CPNE5: variants seen among roughly 807,000 people sequenced by gnomAD.
The protein encoded by CPNE5 is copine 5.
In CPNE5, 42 loss-of-function variants were observed where a neutral mutation model predicts 81.1. The observed-to-expected ratio is 0.52, with a 90% CI of 0.40 to 0.67. The LOEUF (loss-of-function observed/expected upper bound fraction) is 0.67, where lower values mean the gene tolerates loss of function less well. Ranked by LOEUF, CPNE5 falls within the 30% of genes least tolerant of loss-of-function variation. The probability of loss-of-function intolerance (pLI) is 0.00; values close to 1 mark genes in which losing one functional copy is unlikely to be tolerated. For missense variants in CPNE5, 612 were observed against 815.5 expected, an observed-to-expected ratio of 0.75 and a Z score of 3.04; for synonymous variants, 313 against 321.5, an observed-to-expected ratio of 0.97 and a Z score of 0.28.
At chr6:36,834,046 G>A (rs554714443) in intron 1 of CPNE5, among the ~76,000 whole-genome samples, 11 of 151,536 alleles carry the variant, frequency 7.3e-5, no homozygotes, top group Admixed American at 3.3e-4. Flanking sequence ...CTGGGCAACC[G>A]AGTATGACCT....
At chr6:36,802,405 A>T (rs577913285) in intron 3 of CPNE5, among the ~76,000 whole-genome samples, 40 of 152,126 alleles carry the variant, frequency 2.6e-4, no homozygotes, top group African/African-American at 9.4e-4. Flanking sequence ...GCAGTGAGCT[A>T]TGATCACACC....
chr6:36,765,962 G>A (rs573423795), intron 10 of CPNE5, among the ~76,000 whole-genome samples: 1 of 152,218 alleles, frequency 6.6e-6, no homozygotes, highest in Non-Finnish European at 1.5e-5. Context: ...GCTTTAATTA[G>A]TTTGTTTTGA....
chr6:36,769,347 C>A (rs1766852675), intron 10 of CPNE5, among the ~76,000 whole-genome samples: 1 of 152,188 alleles, frequency 6.6e-6, no homozygotes, highest in South Asian at 2.1e-4. Flanking sequence ...GGCCTCTGGA[C>A]ACCTAGAGCC....
At chr6:36,811,268 G>A (rs1263320225) in intron 3 of CPNE5, among the ~76,000 whole-genome samples, 3 of 152,172 alleles carry the variant, frequency 2.0e-5, no homozygotes, top group South Asian at 4.1e-4. Flanking sequence ...TTGTCCCCCA[G>A]CTCACTCCAA....
intron 7 of CPNE5, chr6:36,792,319 C>G: frequency 1.3e-6 from 2 of 1,525,400 alleles, no homozygotes; most frequent in Non-Finnish European, 1.8e-6. Flanking sequence ...TGCCCCACCC[C>G]CTGCTCCCCG....
rs190189741 is a variant in CPNE5, at chr6:36,837,075, C to T, written c.95+2208G>A. Among the ~76,000 whole-genome samples the T allele has an allele frequency of 1.4e-3, 220 of 152,350 alleles. 3 individuals carry two copies. The highest frequency in any genetic ancestry group is 3.4e-4 in the Non-Finnish European group (23 of 68,038). ...GGTTTGAGTCCTTTGGACATCTTTACTTCCAGAAAGCAAACAGGAGGGGCC... is the reference window on the plus strand; with the variant it reads ...GGTTTGAGTCCTTTGGACATCTTTATTTCCAGAAAGCAAACAGGAGGGGCC... On this transcript the variant is annotated intron_variant, in intron 1 of 20. Coordinates refer to ENST00000244751, the MANE Select transcript of CPNE5 (RefSeq NM_020939.2).
At chr6:36,765,174 G>A (rs1386804888) in intron 11 of CPNE5, among the ~76,000 whole-genome samples, 161 bp downstream of exon 11, 1 of 152,040 alleles carries the variant, frequency 6.6e-6, no homozygotes, top group East Asian at 1.9e-4. Flanking sequence ...CTGCAGCAGA[G>A]GACCCCTCCC....
At chr6:36,771,078 C>A (rs1198586495) in intron 10 of CPNE5, among the ~76,000 whole-genome samples, 1 of 151,998 alleles carries the variant, frequency 6.6e-6, no homozygotes, top group Non-Finnish European at 1.5e-5. Flanking sequence ...TGCTGTTCCC[C>A]TCTCCTCTCC....
intron 14 of CPNE5, among the ~76,000 whole-genome samples, chr6:36,752,368 G>T (rs748141554): frequency 8.6e-5 from 13 of 152,028 alleles, no homozygotes; most frequent in Non-Finnish European, 1.8e-4. Flanking sequence ...CCATCTGTCT[G>T]GGCCTAGACA....
At chr6:36,747,403 C>T (rs2150363587) in intron 15 of CPNE5, among the ~76,000 whole-genome samples, 1 of 152,316 alleles carries the variant, frequency 6.6e-6, no homozygotes, top group African/African-American at 2.4e-5. Flanking sequence ...TAACCTTAGC[C>T]TTAGTCTCTT....
chr6:36,748,819 C>CCACAGG (rs1436398752), intron 14 of CPNE5, among the ~76,000 whole-genome samples: 1 of 152,132 alleles, frequency 6.6e-6, no homozygotes, highest in Admixed American at 6.5e-5. Flanking sequence ...TTAAATGACA[C>CCACAGG]CACAGGAGAT....
chr6:36,801,888 A>G (rs960355230), intron 3 of CPNE5, among the ~76,000 whole-genome samples: 3 of 152,186 alleles, frequency 2.0e-5, no homozygotes, highest in Non-Finnish European at 4.4e-5. Flanking sequence ...ACAACAATGC[A>G]AATACATTTG....
intron 6 of CPNE5, among the ~76,000 whole-genome samples, chr6:36,795,372 T>G (rs1264586391): frequency 6.6e-6 from 1 of 152,036 alleles, no homozygotes; most frequent in Non-Finnish European, 1.5e-5. Context: ...AGAGACGAGG[T>G]TTCACCATGT....
chr6:36,779,823 C>T (rs1486671110), intron 8 of CPNE5, among the ~76,000 whole-genome samples: 2 of 152,208 alleles, frequency 1.3e-5, no homozygotes, highest in African/African-American at 2.4e-5. Flanking sequence ...CCCCTTCACC[C>T]CTCCCGTGTG....
chr6:36,760,651 A>C (rs140863665), intron 12 of CPNE5, among the ~76,000 whole-genome samples: 1 of 152,172 alleles, frequency 6.6e-6, no homozygotes, highest in African/African-American at 2.4e-5. Flanking sequence ...TATGACCCCT[A>C]AGGTGCCCTG....
chr6:36,801,232 C>T (rs1429571832), intron 3 of CPNE5, among the ~76,000 whole-genome samples: 1 of 152,156 alleles, frequency 6.6e-6, no homozygotes, highest in Non-Finnish European at 1.5e-5. Flanking sequence ...CAAATCACTC[C>T]CCATCTTTGG....
At chr6:36,769,538 G>A (rs948724427) in intron 10 of CPNE5, among the ~76,000 whole-genome samples, 13 of 152,204 alleles carry the variant, frequency 8.5e-5, no homozygotes, top group African/African-American at 1.9e-4. Context: ...GTTTCCCTGC[G>A]GCTTACAAGT....
intron 12 of CPNE5, among the ~76,000 whole-genome samples, chr6:36,760,360 C>T (rs1037955806): frequency 7.9e-5 from 12 of 152,164 alleles, no homozygotes; most frequent in Non-Finnish European, 1.3e-4. Context: ...TCTCTTCCCA[C>T]CTCCCATGTG....
intron 15 of CPNE5, among the ~76,000 whole-genome samples, chr6:36,747,727 G>T (rs1764336500): frequency 6.6e-6 from 1 of 152,230 alleles, no homozygotes; most frequent in Non-Finnish European, 1.5e-5. Flanking sequence ...ATTGCTCCTA[G>T]TGACTCAGCC....
Sources: gnomAD v4.1 joint callset for allele counts (sites outside exome capture counted in the v4.1 genomes callset) on GRCh38, gnomAD v4.1.1 for gene constraint, MANE v1.5 for transcripts, NCBI Gene and HGNC (gene_info 2026-07-23, HGNC 2026-07-21) for gene names.